Variants in ICMT observed in about 807,000 individuals in gnomAD.
ICMT encodes the protein protein-S-isoprenylcysteine O-methyltransferase.
In ICMT, 10 loss-of-function variants were observed where a neutral mutation model predicts 32.2. That is an observed-to-expected ratio of 0.31 (90% CI 0.19 to 0.53). ICMT has a LOEUF of 0.53. ICMT is among the 20% of genes least tolerant of loss of function. The pLI is 0.96. For missense variants in ICMT, 265 were observed against 356.9 expected, an observed-to-expected ratio of 0.74 and a Z score of 2.07; for synonymous variants, 183 against 158.2, an observed-to-expected ratio of 1.16 and a Z score of -1.18.
chr1:6,230,347 T>G (rs1668713778), intron 4 of ICMT, among the ~76,000 whole-genome samples: 1 of 152,126 alleles, frequency 6.6e-6, no homozygotes, highest in South Asian at 2.1e-4. Flanking sequence ...ACTCCTGATG[T>G]CAAGTGACCC....
At chr1:6,234,299 AAGG>A (rs1210963403) in intron 2 of ICMT, 1 of 365,174 alleles carries the variant, frequency 2.7e-6, no homozygotes, top group East Asian at 7.4e-5. Context: ...TAACAACATA[AAGG>A]AGTGATGTAT....
At chr1:6,231,661 G>A (rs1376385191) in intron 4 of ICMT, among the ~76,000 whole-genome samples, 1 of 152,236 alleles carries the variant, frequency 6.6e-6, no homozygotes, top group African/African-American at 2.4e-5. Context: ...CAGGTTCTGG[G>A]CACATAGTGA....
rs1290906355 is a variant in ICMT at position 6,225,228 on chromosome 1, T to C, written c.707A>G (p.Tyr236Cys). 6.2e-7 allele frequency: 1 copy of C among 1,613,912 alleles called. No individual in the cohort carries two copies. The highest frequency in any genetic ancestry group is 1.1e-5 in the South Asian group (1 of 91,072). ...MLCNPICGVSYALTVWRFFRD... is the reference protein window; with the variant it reads ...MLCNPICGVSCALTVWRFFRD... ...GAAGAATCGCCACACTGTCAGGGCA[T>C]AGCTGACGCCGCAGATGGGGTTACA... Residue 236 changes from tyrosine (Y) to cysteine (C), a missense_variant, in exon 5 of 5, where the codon TAT (tyrosine) becomes TGT (cysteine). Tyr to Cys is a radical substitution (Grantham distance 194). Coordinates refer to ENST00000343813, the MANE Select transcript of ICMT (RefSeq NM_012405.4).
chr1:6,234,755 A>C, intron 2 of ICMT, 131 bp downstream of exon 2: 1 of 725,244 alleles, frequency 1.4e-6, no homozygotes, highest in Non-Finnish European at 2.4e-6. Flanking sequence ...AAGCCAGGAG[A>C]CTTCGTTTCC....
intron 4 of ICMT, among the ~76,000 whole-genome samples, chr1:6,226,493 T>A (rs561048065): frequency 6.6e-6 from 1 of 152,296 alleles, no homozygotes; most frequent in African/African-American, 2.4e-5. Flanking sequence ...CACCTACACC[T>A]GCCCACTGGT....
intron 4 of ICMT, among the ~76,000 whole-genome samples, chr1:6,229,347 G>A (rs1476570567): frequency 6.6e-6 from 1 of 151,760 alleles, no homozygotes; most frequent in Non-Finnish European, 1.5e-5. Flanking sequence ...GTATGGTGGC[G>A]CATGCCTGTA....
At chr1:6,231,138 T>C (rs1668729659) in intron 4 of ICMT, among the ~76,000 whole-genome samples, 2 of 151,330 alleles carry the variant, frequency 1.3e-5, no homozygotes, top group South Asian at 4.2e-4. Context: ...ACCACTGCAC[T>C]CTGGCCTGGT....
rs879091501 is a variant in ICMT at position 6,223,862 on chromosome 1, C to G, written c.*1218G>C. ...CGCAACACTGCATGGCAGGATCTCA[C>G]GCTGAGGCCAAGTTCCTGTCTAGTC... is the stretch of plus-strand genomic sequence containing the variant. On this transcript the variant is annotated 3_prime_UTR_variant, in exon 5 of 5. Coordinates refer to ENST00000343813, the MANE Select transcript of ICMT (RefSeq NM_012405.4). 1 of 152,234 alleles carries G rather than the reference C, an allele frequency of 6.6e-6. No homozygotes were observed. The highest frequency in any genetic ancestry group is 1.5e-5 in the Non-Finnish European group (1 of 68,052). 9.4% of individuals were successfully genotyped at this position (152,234 alleles called of 1,614,324 possible).
At chr1:6,234,667 G>C (rs1174674017) in intron 2 of ICMT, among the ~76,000 whole-genome samples, 1 of 152,134 alleles carries the variant, frequency 6.6e-6, no homozygotes, top group Non-Finnish European at 1.5e-5. Context: ...GGGGTGCCAG[G>C]GAGATCTGTT....
Position 6,225,877 on chromosome 1 carries a change from C to T in ICMT, c.673-615G>A, listed in dbSNP as rs192070547. ...CCCACTTTGCCTCTTTTTTTTCCCC[C>T]GAGACAGATTGTCACTCTGTCACGT... On this transcript the variant is annotated intron_variant, in intron 4 of 4. Coordinates refer to ENST00000343813, the MANE Select transcript of ICMT (RefSeq NM_012405.4). Among the ~76,000 whole-genome samples the T allele has an allele frequency of 2.5e-4, 38 of 152,058 alleles. 1 individual carries two copies. Among genetic ancestry groups the T allele is most frequent in the Admixed American group, 1.6e-3 (25 of 15,260 alleles).
At chr1:6,231,191 G>GA (rs1668730788) in intron 4 of ICMT, among the ~76,000 whole-genome samples, 1 of 150,826 alleles carries the variant, frequency 6.6e-6, no homozygotes, top group African/African-American at 2.4e-5. Flanking sequence ...AAGAAAGAAA[G>GA]AAAAGAAAAG....
Position 6,235,723 on chromosome 1 carries a change from G to C in ICMT, c.189C>G (p.Arg63=), listed in dbSNP as rs905828093. ...GGCCCCCGCCGGCCTGCACCTGGTA[G>C]CGAGGCGGCCGATAGAGCAGCAGCA... is the stretch of plus-strand genomic sequence containing the variant. The part of the protein sequence containing the change: ...ALLLLLYRPP[R]YQIAIRACFL... Residue 63 remains arginine (R), a synonymous_variant, in exon 1 of 5, where the codon CGC becomes CGG. Transcript: ENST00000343813. 1 of 1,285,310 alleles carries C rather than the reference G, an allele frequency of 7.8e-7. No homozygotes were observed. Among genetic ancestry groups the C allele is most frequent in the Non-Finnish European group, 9.9e-7 (1 of 1,007,454 alleles). The allele number at this position is 1,285,310 out of a possible 1,614,324, so 79.6% of individuals were successfully genotyped here.
At chr1:6,225,467 AC>A (rs1009759116) in intron 4 of ICMT, among the ~76,000 whole-genome samples, 2 of 152,254 alleles carry the variant, frequency 1.3e-5, no homozygotes, top group African/African-American at 4.8e-5. Context: ...TGCTCCTCTT[AC>A]ATGAGAGAGA....
rs1195924509 is a variant in ICMT at position 6,225,508 on chromosome 1, T to C, written c.673-246A>G. On this transcript the variant is annotated intron_variant, in intron 4 of 4. Coordinates refer to ENST00000343813, the MANE Select transcript of ICMT (RefSeq NM_012405.4). Reference sequence around the variant, plus strand: ...TAAATCACAAGATCAACCTCTTGGATTTCAACCCTCAGCTTGGGGTGACAG... The same window carrying C: ...TAAATCACAAGATCAACCTCTTGGACTTCAACCCTCAGCTTGGGGTGACAG... 3.3e-5 allele frequency among the ~76,000 whole-genome samples: 5 copies of C among 152,124 alleles called. No homozygotes were observed. The East Asian group carries it at 9.6e-4, about 29-fold the overall frequency.
chr1:6,229,894 T>G (rs1457222135), intron 4 of ICMT, among the ~76,000 whole-genome samples: 3 of 151,940 alleles, frequency 2.0e-5, no homozygotes, highest in African/African-American at 4.8e-5. Flanking sequence ...TTGAGACAGA[T>G]TCTTGCTGTG....
chr1:6,229,088 A>C (rs1668690039), intron 4 of ICMT, among the ~76,000 whole-genome samples: 1 of 152,106 alleles, frequency 6.6e-6, no homozygotes, highest in Admixed American at 6.5e-5. Flanking sequence ...CTGTAATCCC[A>C]GCACTTTGAG....
At chr1:6,232,539 T>C (rs182620755) in intron 3 of ICMT, among the ~76,000 whole-genome samples, 2 of 152,338 alleles carry the variant, frequency 1.3e-5, no homozygotes, top group Admixed American at 1.3e-4. Context: ...TCAGAGTGCA[T>C]TCCACATACG....
In ICMT at chr1:6,223,923, G is replaced by A. The variant is rs1311335776; in HGVS notation, c.*1157C>T. On this transcript the variant is annotated 3_prime_UTR_variant, in exon 5 of 5. Coordinates refer to ENST00000343813, the MANE Select transcript of ICMT (RefSeq NM_012405.4). ...CCAGCGTCTCACCTCTTAAAGCTTCGATGTGTGACTCAAAGCCAACTTACT... is the reference window on the plus strand; with the variant it reads ...CCAGCGTCTCACCTCTTAAAGCTTCAATGTGTGACTCAAAGCCAACTTACT... 3 of 152,204 alleles carry A rather than the reference G, an allele frequency of 2.0e-5. No homozygotes were observed. The highest frequency in any genetic ancestry group is 2.1e-4 in the South Asian group (1 of 4,824). The allele number at this position is 152,204 out of a possible 1,614,324, so 9.4% of individuals were successfully genotyped here.
At position 6,224,910 on chromosome 1, in the gene ICMT, G is replaced by T. The variant is rs1668620849; in HGVS notation, c.*170C>A. 4.5e-6 allele frequency: 3 copies of T among 669,226 alleles called. No homozygotes were observed. Among genetic ancestry groups the T allele is most frequent in the Middle Eastern group, 4.3e-4 (1 of 2,348 alleles). 41.5% of individuals were successfully genotyped at this position (669,226 alleles called of 1,614,324 possible). A position where few individuals can be genotyped will look rare whatever the true frequency, so the allele number is the denominator to read the frequency against. On this transcript the variant is annotated 3_prime_UTR_variant, in exon 5 of 5. Coordinates refer to ENST00000343813, the MANE Select transcript of ICMT (RefSeq NM_012405.4). ...GCATAAGGACAGACTGCTCCAGTGGGGCCTTGGGTCCTCAGGCCTTCTGAC... is the reference window on the plus strand; with the variant it reads ...GCATAAGGACAGACTGCTCCAGTGGTGCCTTGGGTCCTCAGGCCTTCTGAC...
Sources: gnomAD v4.1 joint callset for allele counts (sites outside exome capture counted in the v4.1 genomes callset) on GRCh38, gnomAD v4.1.1 for gene constraint, MANE v1.5 for transcripts, NCBI Gene and HGNC (gene_info 2026-07-23, HGNC 2026-07-21) for gene names.